Variants in SGCZ observed in about 807,000 individuals in gnomAD.
SGCZ encodes the protein zeta-sarcoglycan.
In SGCZ, 40 loss-of-function variants were observed where a neutral mutation model predicts 41.3. That is an observed-to-expected ratio of 0.97 (90% CI 0.75 to 1.26). SGCZ has a LOEUF of 1.26. Ranked by LOEUF, SGCZ falls within the 50% of genes most tolerant of loss-of-function variation. SGCZ has a pLI of 0.00. For synonymous variants in SGCZ, 206 were observed against 137.5 expected, an observed-to-expected ratio of 1.50 and a Z score of -3.49; for missense variants, 552 against 369.8, an observed-to-expected ratio of 1.49 and a Z score of -4.04.
chr8:14,524,775 T>A (rs1802890134), intron 2 of SGCZ, among the ~76,000 whole-genome samples: 1 of 152,088 alleles, frequency 6.6e-6, no homozygotes, highest in African/African-American at 2.4e-5. Context: ...TCCATCTTCC[T>A]GGAAGCGGAA....
At chr8:14,522,668 A>G (rs1378155548) in intron 2 of SGCZ, among the ~76,000 whole-genome samples, 2 of 151,736 alleles carry the variant, frequency 1.3e-5, no homozygotes, top group Admixed American at 6.6e-5. Context: ...TTTAAAAAAT[A>G]CAACTGTCTT....
chr8:14,471,948 A>T (rs1315465936), intron 2 of SGCZ, among the ~76,000 whole-genome samples: 4 of 152,052 alleles, frequency 2.6e-5, no homozygotes, highest in Admixed American at 6.6e-5. Flanking sequence ...ACATACCCAC[A>T]GTTATATAAG....
At chr8:14,395,772 T>C (rs139245916) in intron 2 of SGCZ, among the ~76,000 whole-genome samples, 1 of 152,162 alleles carries the variant, frequency 6.6e-6, no homozygotes, top group Non-Finnish European at 1.5e-5. Context: ...AGAGCAAGTA[T>C]CAGGATATAA....
chr8:14,591,382 A>T (rs1407897247), intron 1 of SGCZ, among the ~76,000 whole-genome samples: 1 of 152,012 alleles, frequency 6.6e-6, no homozygotes, highest in Non-Finnish European at 1.5e-5. Flanking sequence ...CTTATATTTC[A>T]CATCATAATG....
chr8:14,655,778 A>G (rs1189516507), intron 1 of SGCZ, among the ~76,000 whole-genome samples: 1 of 152,046 alleles, frequency 6.6e-6, no homozygotes, highest in Non-Finnish European at 1.5e-5. Flanking sequence ...ATCCCTTCCT[A>G]TCCTTAACAC....
intron 1 of SGCZ, among the ~76,000 whole-genome samples, chr8:14,746,010 T>C (rs973475453): frequency 1.3e-5 from 2 of 152,116 alleles, no homozygotes; most frequent in African/African-American, 4.8e-5. Flanking sequence ...TATTATTCTC[T>C]TGTTTTCTTA....
chr8:15,119,141 C>A (rs1008557195), intron 1 of SGCZ, among the ~76,000 whole-genome samples: 14 of 152,108 alleles, frequency 9.2e-5, no homozygotes, highest in Non-Finnish European at 1.9e-4. Context: ...ATTTGTTAGA[C>A]TCTAAAGAAA....
chr8:14,937,619 C>G (rs777862943), intron 1 of SGCZ, among the ~76,000 whole-genome samples: 3 of 151,994 alleles, frequency 2.0e-5, no homozygotes, highest in African/African-American at 7.2e-5. Flanking sequence ...ATAGAGGAAC[C>G]AATGCAAAAT....
chr8:14,571,608 A>C (rs879246095), intron 1 of SGCZ, among the ~76,000 whole-genome samples: 1 of 152,190 alleles, frequency 6.6e-6, no homozygotes. Context: ...AATTATTTGT[A>C]AAAATGCATT....
At position 15,172,154 on chromosome 8, in the gene SGCZ, G is replaced by GTTTTTTTTT. The variant is rs1183210302; in HGVS notation, c.39+65422_39+65430dup. On this transcript the variant is annotated intron_variant, in intron 1 of 7. Coordinates refer to ENST00000382080, the MANE Select transcript of SGCZ (RefSeq NM_139167.4). Reference sequence around the variant, plus strand: ...AGGAAAAAAATGCCTTTTATACTCTGTTTTTTTTTTTTTTTTTTTTTTTTT... The same window carrying GTTTTTTTTT: ...AGGAAAAAAATGCCTTTTATACTCTGTTTTTTTTTTTTTTTTTTTTTTTTTTTTTTTTTT... Among the ~76,000 whole-genome samples the GTTTTTTTTT allele has an allele frequency of 9.8e-5, 7 of 71,774 alleles. 1 individual carries two copies. Among genetic ancestry groups the GTTTTTTTTT allele is most frequent in the East Asian group, 4.0e-4 (1 of 2,522 alleles). 47.1% of individuals were successfully genotyped at this position (71,774 alleles called of 152,430 possible).
intron 1 of SGCZ, among the ~76,000 whole-genome samples, chr8:14,630,823 A>G (rs959322144): frequency 4.3e-5 from 6 of 138,034 alleles, no homozygotes; most frequent in African/African-American, 1.6e-4. Flanking sequence ...TTGAACAATG[A>G]GAACACTTGG....
chr8:15,003,012 G>A (rs13266158), intron 1 of SGCZ, among the ~76,000 whole-genome samples: 75,601 of 151,874 alleles, frequency 0.5, 19,067 homozygotes, highest in Non-Finnish European at 0.51. Flanking sequence ...CTGTCACCAT[G>A]TACAACGTAA....
chr8:15,170,894 G>C (rs189476183), intron 1 of SGCZ, among the ~76,000 whole-genome samples: 20 of 152,338 alleles, frequency 1.3e-4, no homozygotes, highest in Admixed American at 9.8e-4. Context: ...AAGAGGCACA[G>C]TTGTGTAATC....
intron 1 of SGCZ, among the ~76,000 whole-genome samples, chr8:14,668,856 T>C (rs546370648): frequency 3.3e-5 from 5 of 152,296 alleles, no homozygotes; most frequent in African/African-American, 1.2e-4. Context: ...GATATCCTTA[T>C]ACATGGTGAA....
intron 1 of SGCZ, among the ~76,000 whole-genome samples, chr8:14,597,127 T>C (rs1805437968): frequency 6.6e-6 from 1 of 152,218 alleles, no homozygotes; most frequent in Admixed American, 6.5e-5. Context: ...TAGTTTCAAC[T>C]ATTGTTAGAA....
intron 3 of SGCZ, among the ~76,000 whole-genome samples, chr8:14,278,205 C>G (rs1405696717): frequency 6.6e-6 from 1 of 152,150 alleles, no homozygotes; most frequent in African/African-American, 2.4e-5. Flanking sequence ...TCCCACATAT[C>G]GCCCCTCCTC....
At chr8:15,164,588 T>C (rs1345430446) in intron 1 of SGCZ, among the ~76,000 whole-genome samples, 1 of 143,870 alleles carries the variant, frequency 7.0e-6, no homozygotes, top group Non-Finnish European at 1.5e-5. Context: ...ATTTTTAAAC[T>C]TTTTTTTTTT....
At chr8:14,473,158 C>T (rs959244412) in intron 2 of SGCZ, among the ~76,000 whole-genome samples, 2 of 152,102 alleles carry the variant, frequency 1.3e-5, no homozygotes, top group African/African-American at 2.4e-5. Flanking sequence ...ATAAAATTCA[C>T]ACCTGTTCCC....
intron 1 of SGCZ, among the ~76,000 whole-genome samples, chr8:14,866,410 C>G (rs767189048): frequency 3.3e-5 from 5 of 152,046 alleles, no homozygotes; most frequent in African/African-American, 1.2e-4. Context: ...AGAACAAGCA[C>G]AGTCATTATT....
Sources: gnomAD v4.1 joint callset for allele counts (sites outside exome capture counted in the v4.1 genomes callset) on GRCh38, gnomAD v4.1.1 for gene constraint, MANE v1.5 for transcripts, NCBI Gene and HGNC (gene_info 2026-07-23, HGNC 2026-07-21) for gene names.